HP1BP3: variants seen among roughly 807,000 people sequenced by gnomAD.
The protein encoded by HP1BP3 is heterochromatin protein 1 binding protein 3.
Under a neutral mutation model 62.5 loss-of-function variants are expected in HP1BP3, and 12 were observed. That is an observed-to-expected ratio of 0.19 (90% CI 0.12 to 0.31). HP1BP3 has a LOEUF of 0.31. HP1BP3 is among the 10% of genes least tolerant of loss of function. HP1BP3 has a pLI of 1.00. For synonymous variants in HP1BP3, 260 were observed against 237.8 expected, an observed-to-expected ratio of 1.09 and a Z score of -0.86; for missense variants, 502 against 651.8, an observed-to-expected ratio of 0.77 and a Z score of 2.50.
chr1:20,747,382 G>A (rs181705436), intron 11 of HP1BP3, among the ~76,000 whole-genome samples, 162 bp downstream of exon 11: 5 of 152,070 alleles, frequency 3.3e-5, no homozygotes, highest in African/African-American at 4.8e-5. Context: ...GAGTACATGC[G>A]CATTTGGGTA....
chr1:20,786,896 A>G (rs1196600494), intron 1 of HP1BP3, among the ~76,000 whole-genome samples: 2 of 151,884 alleles, frequency 1.3e-5, no homozygotes, highest in African/African-American at 2.4e-5. Flanking sequence ...CGGCCAGAGA[A>G]GAGCTCCCCC....
chr1:20,767,762 T>G (rs2056855600), intron 6 of HP1BP3, 98 bp from the exon 7 acceptor site: 1 of 720,260 alleles, frequency 1.4e-6, no homozygotes, highest in Middle Eastern at 3.6e-4. Flanking sequence ...TGTAAAGTGG[T>G]GTTTACTTCT....
At chr1:20,764,689 T>A (rs1570617188) in intron 8 of HP1BP3, among the ~76,000 whole-genome samples, 1 of 114,336 alleles carries the variant, frequency 8.7e-6, no homozygotes, top group Non-Finnish European at 1.9e-5. Flanking sequence ...GATTTGGGTT[T>A]GGAAAAAAAA....
chr1:20,770,148 G>A (rs1305017379), intron 6 of HP1BP3, among the ~76,000 whole-genome samples: 3 of 152,094 alleles, frequency 2.0e-5, no homozygotes, highest in South Asian at 4.1e-4. Flanking sequence ...ATTTGTTCTA[G>A]TACTAGTCAC....
At chr1:20,761,845 G>A (rs1167365459) in intron 8 of HP1BP3, among the ~76,000 whole-genome samples, 1 of 152,180 alleles carries the variant, frequency 6.6e-6, no homozygotes, top group South Asian at 2.1e-4. Flanking sequence ...AAAGTGTGGT[G>A]TCCTGGAAGG....
chr1:20,780,075 T>C (rs572069851), intron 2 of HP1BP3, among the ~76,000 whole-genome samples, 164 bp from the exon 3 acceptor site: 1 of 152,340 alleles, frequency 6.6e-6, no homozygotes, highest in African/African-American at 2.4e-5. Flanking sequence ...GAAATATGAT[T>C]TTTAAGATAC....
chr1:20,765,877 AC>A (rs1449904596), intron 7 of HP1BP3, among the ~76,000 whole-genome samples: 2 of 151,714 alleles, frequency 1.3e-5, no homozygotes, highest in Non-Finnish European at 2.9e-5. Flanking sequence ...AGGCACAAGA[AC>A]TGCTTGAACC....
chr1:20,740,282 A>G lies in HP1BP3; in HGVS notation c.*4515T>C, dbSNP rs1354227098. The stretch of plus-strand genomic sequence containing the variant: ...ACCACAGAGTTCTCTTTTGCTAAGC[A>G]AAGATTTAATAGTGAACAGTGTTAA... On this transcript the variant is annotated 3_prime_UTR_variant, in exon 13 of 13. Transcript: ENST00000438032. Among the ~76,000 whole-genome samples, 1 of 152,256 alleles carries G rather than the reference A, an allele frequency of 6.6e-6. No individual in the cohort carries two copies. Among genetic ancestry groups the G allele is most frequent in the Non-Finnish European group, 1.5e-5 (1 of 68,042 alleles).
At chr1:20,759,763 C>T (rs547969142) in intron 8 of HP1BP3, among the ~76,000 whole-genome samples, 49 of 152,092 alleles carry the variant, frequency 3.2e-4, no homozygotes, top group African/African-American at 1.1e-3. Flanking sequence ...GGGAAAAATA[C>T]ATTCAGGTAA....
At chr1:20,776,456 T>C (rs1423441188) in intron 4 of HP1BP3, 141 bp downstream of exon 4, 4 of 734,608 alleles carry the variant, frequency 5.4e-6, no homozygotes, top group African/African-American at 5.4e-5. Context: ...AATAAACCTA[T>C]TTCAAATGGT....
intron 12 of HP1BP3, 71 bp from the exon 13 acceptor site, chr1:20,745,162 C>G: frequency 1.3e-6 from 2 of 1,497,638 alleles, no homozygotes; most frequent in Non-Finnish European, 8.9e-7. Flanking sequence ...CAACCAGATG[C>G]TTTCTAAAGA....
intron 8 of HP1BP3, among the ~76,000 whole-genome samples, chr1:20,763,094 C>T (rs1386972107): frequency 1.3e-5 from 2 of 152,046 alleles, no homozygotes; most frequent in Non-Finnish European, 2.9e-5. Context: ...ACCTTTCCCT[C>T]CTCTCTTGCT....
At position 20,741,685 on chromosome 1, in the gene HP1BP3, ATCTC is replaced by A. The variant is rs2055088282; in HGVS notation, c.*3108_*3111del. Among the ~76,000 whole-genome samples the A allele has an allele frequency of 6.6e-6, 1 of 152,172 alleles. No individual in the cohort carries two copies. ...CATTTTGTAGGTTAAGAAGCCAACA[ATCTC>A]TCTCCCAGCACTTTCTGAGACTCAT... On this transcript the variant is annotated 3_prime_UTR_variant, in exon 13 of 13. Coordinates refer to ENST00000438032, the MANE Select transcript of HP1BP3 (RefSeq NM_001372052.1).
intron 1 of HP1BP3, among the ~76,000 whole-genome samples, chr1:20,780,961 T>C (rs1467299520): frequency 2.6e-5 from 4 of 151,948 alleles, no homozygotes; most frequent in Non-Finnish European, 5.9e-5. Flanking sequence ...ACTCTATCTC[T>C]ATTAAAGTAC....
chr1:20,752,114 G>A (rs1274550893), intron 9 of HP1BP3, among the ~76,000 whole-genome samples: 1 of 151,756 alleles, frequency 6.6e-6, no homozygotes. Flanking sequence ...ACAAAAATTA[G>A]CCGGGCATGG....
Position 20,771,060 on chromosome 1 carries a change from T to C in HP1BP3, c.524A>G (p.Lys175Arg). Residue 175 changes from lysine (K) to arginine (R), a missense_variant, in exon 6 of 13, where the codon AAG becomes AGG. Lys to Arg is a conservative substitution (Grantham distance 26). Around this residue, in one of 5 missense-constraint regions of HP1BP3, gnomAD observed 111 missense variants for 242.0 expected, o/e 0.46. Transcript: ENST00000438032. ...LTEAIKACFQ[K>R]SGASVVAIRK... The stretch of plus-strand genomic sequence containing the variant: ...AATAGCAACCACTGATGCACCACTC[T>C]TCTGGAAGCATGCCTAGAAAAGATT... 1.2e-6 allele frequency: 2 copies of C among 1,603,032 alleles called. No homozygotes were observed. Among genetic ancestry groups the C allele is most frequent in the Non-Finnish European group, 1.7e-6 (2 of 1,176,516 alleles).
chr1:20,754,775 T>C (rs1430222918), intron 9 of HP1BP3, among the ~76,000 whole-genome samples: 1 of 152,076 alleles, frequency 6.6e-6, no homozygotes, highest in Non-Finnish European at 1.5e-5. Flanking sequence ...CACACCCACA[T>C]GCAAAAAGAT....
intron 7 of HP1BP3, among the ~76,000 whole-genome samples, 174 bp downstream of exon 7, chr1:20,767,410 C>T (rs1468425182): frequency 1.3e-5 from 2 of 152,228 alleles, no homozygotes; most frequent in African/African-American, 4.8e-5. Context: ...CTTGGATCTG[C>T]ACCTTGGCTA....
chr1:20,784,476 C>CTTTTT lies in HP1BP3; in HGVS notation c.-101+2714_-101+2718dup, dbSNP rs368306686. 5.6e-5 allele frequency among the ~76,000 whole-genome samples: 7 copies of CTTTTT among 124,546 alleles called. No homozygotes were observed. The East Asian group carries it at 7.4e-4, about 13-fold the overall frequency. The allele number at this position is 124,546 out of a possible 152,430, so 81.7% of individuals were successfully genotyped here. On this transcript the variant is annotated intron_variant, in intron 1 of 12. Transcript: ENST00000438032. ...CAAATAAAACTTATTTGTGTTTTCCCTTTTTTTTTTTTTTTTTTTTGAGAC... is the reference window on the plus strand; with the variant it reads ...CAAATAAAACTTATTTGTGTTTTCCCTTTTTTTTTTTTTTTTTTTTTTTTTGAGAC...
Sources: allele counts gnomAD v4.1 joint callset (sites outside exome capture counted in the v4.1 genomes callset), GRCh38; gene constraint gnomAD v4.1.1; regional missense constraint gnomAD v4.1.1; transcripts MANE v1.5; gene names NCBI Gene and HGNC (gene_info 2026-07-23, HGNC 2026-07-21).